BPIFB1: variants seen among roughly 807,000 people sequenced by gnomAD.
The protein encoded by BPIFB1 is BPI fold containing family B member 1.
A neutral mutation model predicts 55.1 loss-of-function variants in BPIFB1; 34 were observed. That is an observed-to-expected ratio of 0.62 (90% confidence interval 0.47 to 0.82). The LOEUF (loss-of-function observed/expected upper bound fraction) is 0.82. Among genes scored for constraint, BPIFB1 ranks in the 40% least tolerant of loss-of-function variants. BPIFB1 has a pLI of 0.00. For missense variants in BPIFB1, 532 were observed against 593.1 expected (o/e 0.90, Z 1.07); for synonymous variants, 236 against 245.3 (o/e 0.96, Z 0.35).
intron 2 of BPIFB1, among the ~76,000 whole-genome samples, chr20:33,288,527 T>A (rs368984820): frequency 1.8e-3 from 267 of 152,244 alleles, no homozygotes; most frequent in African/African-American, 6.1e-3. Context: ...TCGCTCCTGA[T>A]GTGAAAACGA....
intron 3 of BPIFB1, 29 bp from the exon 4 acceptor site, chr20:33,289,856 G>A: frequency 6.3e-7 from 1 of 1,583,466 alleles, no homozygotes; most frequent in Non-Finnish European, 8.7e-7. Flanking sequence ...CCGGAGGCAT[G>A]ATTCTGATCT....
chr20:33,309,624 A>G lies in BPIFB1; in HGVS notation c.1396-84A>G. On this transcript the variant is annotated intron_variant, in intron 15 of 15. Transcript: ENST00000253354. This position sits in a 1 kb window ranked among gnomAD's most constrained non-coding sequence, Gnocchi z 4.4. Reference sequence around the variant, plus strand: ...TCATGGTCCCCCGGTGCCAGCAGTCACCTTATGGAGGACAAAACCAGCATA... The same window carrying G: ...TCATGGTCCCCCGGTGCCAGCAGTCGCCTTATGGAGGACAAAACCAGCATA... 5.2e-6 allele frequency: 7 copies of G among 1,347,280 alleles called. No homozygotes were observed. Among genetic ancestry groups the G allele is most frequent in the Non-Finnish European group, 5.3e-6 (5 of 940,520 alleles). 83.5% of individuals were successfully genotyped at this position (1,347,280 alleles called of 1,614,324 possible). A position where few individuals can be genotyped will look rare whatever the true frequency, so the allele number is the denominator to read the frequency against.
chr20:33,309,597 G>A lies in BPIFB1; in HGVS notation c.1396-111G>A. On this transcript the variant is annotated intron_variant, in intron 15 of 15. Coordinates refer to ENST00000253354, the MANE Select transcript of BPIFB1 (RefSeq NM_033197.3). The surrounding 1 kb of genome is among the most constrained non-coding windows in gnomAD (Gnocchi z 4.4). ...AAGAATTCTGTATTTGTGGGTTCAG[G>A]GTCATGGTCCCCCGGTGCCAGCAGT... 2 of 1,004,370 alleles carry A rather than the reference G, an allele frequency of 2.0e-6. No homozygotes were observed. The highest frequency in any genetic ancestry group is 3.1e-6 in the Non-Finnish European group (2 of 641,090). The allele number at this position is 1,004,370 out of a possible 1,614,324, so 62.2% of individuals were successfully genotyped here. A position where few individuals can be genotyped will look rare whatever the true frequency, so the allele number is the denominator to read the frequency against.
intron 12 of BPIFB1, 133 bp from the exon 13 acceptor site, chr20:33,304,713 G>A: frequency 1.0e-6 from 1 of 955,564 alleles, no homozygotes; most frequent in Non-Finnish European, 1.6e-6. Context: ...CACGACGCAA[G>A]GGCTTCATGT....
intron 5 of BPIFB1, among the ~76,000 whole-genome samples, chr20:33,291,392 G>A (rs1437323430): frequency 6.6e-6 from 1 of 152,202 alleles, no homozygotes. Flanking sequence ...CACCAGGGCA[G>A]GTGTAGGTGG....
chr20:33,300,124 T>C, intron 8 of BPIFB1, 140 bp downstream of exon 8: 1 of 733,206 alleles, frequency 1.4e-6, no homozygotes, highest in East Asian at 2.7e-5. Context: ...GAAAAATCAC[T>C]GCAGGCTGAA....
chr20:33,305,738 A>T (rs1350625839), intron 13 of BPIFB1, among the ~76,000 whole-genome samples: 1 of 152,090 alleles, frequency 6.6e-6, no homozygotes, highest in Admixed American at 6.5e-5. Flanking sequence ...GCTGCAACAG[A>T]GTGGTGGGGC....
At chr20:33,297,145 T>G (rs1366599696) in intron 6 of BPIFB1, among the ~76,000 whole-genome samples, 1 of 152,194 alleles carries the variant, frequency 6.6e-6, no homozygotes, top group East Asian at 1.9e-4. Flanking sequence ...GGTCTCAAAC[T>G]CCTGGCCTCA....
At chr20:33,300,969 C>T (rs545292499) in intron 8 of BPIFB1, among the ~76,000 whole-genome samples, 1 of 152,238 alleles carries the variant, frequency 6.6e-6, no homozygotes, top group East Asian at 1.9e-4. Context: ...TTAATTTTCC[C>T]TCCATCCAAA....
intron 10 of BPIFB1, 24 bp from the exon 11 acceptor site, chr20:33,302,892 C>T: frequency 6.2e-7 from 1 of 1,611,978 alleles, no homozygotes. Context: ...TGGGAGGCCA[C>T]ATGTGGGTCT....
At chr20:33,305,929 C>T in intron 13 of BPIFB1, 73 bp from the exon 14 acceptor site, 1 of 1,535,692 alleles carries the variant, frequency 6.5e-7, no homozygotes, top group Non-Finnish European at 9.0e-7. Flanking sequence ...GGAGGAGCCA[C>T]ACCCACGAAG....
chr20:33,306,042 C>G lies in BPIFB1; in HGVS notation c.1295C>G (p.Ser432Cys), dbSNP rs1409057174. 1 of 1,614,066 alleles carries G rather than the reference C, an allele frequency of 6.2e-7. No individual in the cohort carries two copies. The highest frequency in any genetic ancestry group is 8.5e-7 in the Non-Finnish European group (1 of 1,180,044). Residue 432 changes from serine to cysteine, a missense_variant, in exon 14 of 16, where the codon TCC becomes TGC. Ser to Cys is a moderately radical substitution (Grantham distance 112, BLOSUM62 -1). Coordinates refer to ENST00000253354, the MANE Select transcript of BPIFB1 (RefSeq NM_033197.3). The stretch of plus-strand genomic sequence containing the variant: ...AACATCATCACTGAGATCATCCACT[C>G]CATCCTGCTGCCGAACCAGAATGGT... ...LKNIITEIIH[S>C]ILLPNQNGKL...
At chr20:33,303,879 C>T (rs1980932562) in intron 11 of BPIFB1, 79 bp from the exon 12 acceptor site, 1 of 1,444,396 alleles carries the variant, frequency 6.9e-7, no homozygotes, top group Non-Finnish European at 9.7e-7. Flanking sequence ...ATTCAGACCC[C>T]AGAGCCTCCC....
intron 7 of BPIFB1, 32 bp downstream of exon 7, chr20:33,297,620 C>A: frequency 4.3e-6 from 7 of 1,613,016 alleles, no homozygotes; most frequent in Non-Finnish European, 5.1e-6. Context: ...CCACTTTTTC[C>A]TTTACTACGG....
intron 6 of BPIFB1, among the ~76,000 whole-genome samples, chr20:33,293,307 G>A (rs1045349130): frequency 7.9e-5 from 12 of 152,232 alleles, no homozygotes; most frequent in Non-Finnish European, 1.3e-4. Context: ...ACCCAGGAGC[G>A]CTTTGATCTT....
At chr20:33,298,991 T>TTTTTTTG (rs1980751316) in intron 7 of BPIFB1, 3 of 299,342 alleles carry the variant, frequency 1.0e-5, no homozygotes, top group African/African-American at 6.7e-5. Flanking sequence ...TTTTTTTTTT[T>TTTTTTTG]GGAGACGGAC....
intron 2 of BPIFB1, among the ~76,000 whole-genome samples, chr20:33,287,887 C>T (rs549556187): frequency 6.6e-6 from 1 of 152,242 alleles, no homozygotes; most frequent in South Asian, 2.1e-4. Context: ...TGAAGGGAAT[C>T]CCCCCCATGC....
chr20:33,305,270 G>A (rs1481162908), intron 13 of BPIFB1, among the ~76,000 whole-genome samples: 3 of 151,570 alleles, frequency 2.0e-5, no homozygotes, highest in African/African-American at 4.8e-5. Flanking sequence ...ACCTCAGTCT[G>A]GCGTGTTTTC....
chr20:33,299,147 C>T (rs1270999029), intron 7 of BPIFB1: 11 of 456,612 alleles, frequency 2.4e-5, no homozygotes, highest in Middle Eastern at 3.2e-4. Flanking sequence ...AAGAGACCAG[C>T]CAAGGTCACT....
Sources: allele counts gnomAD v4.1 joint callset (sites outside exome capture counted in the v4.1 genomes callset), GRCh38; gene constraint gnomAD v4.1.1; non-coding constraint Gnocchi (gnomAD v3.1); transcripts MANE v1.5; gene names NCBI Gene and HGNC (gene_info 2026-07-23, HGNC 2026-07-21).